The following PLPPR5 variants were observed in gnomAD, a reference collection of about 807,000 sequenced individuals.
PLPPR5 encodes phospholipid phosphatase related 5, also known as phospholipid phosphatase-related protein type 5.
In PLPPR5, 16 loss-of-function variants were observed where a neutral mutation model predicts 33.9. The observed-to-expected ratio is 0.47, with a 90% CI of 0.32 to 0.72. The LOEUF (loss-of-function observed/expected upper bound fraction) is 0.72. PLPPR5 is among the 30% of genes least tolerant of loss of function. PLPPR5 has a pLI of 0.03. For missense variants in PLPPR5, 301 were observed against 406.7 expected (o/e 0.74, Z 2.23); for synonymous variants, 163 against 150.3 (o/e 1.08, Z -0.62).
intron 3 of PLPPR5, among the ~76,000 whole-genome samples, chr1:98,932,690 T>G (rs1012224379): frequency 2.0e-5 from 3 of 152,228 alleles, no homozygotes; most frequent in Non-Finnish European, 4.4e-5. Flanking sequence ...CTTAACAGGC[T>G]ATGGTAAAAG....
chr1:98,905,660 G>A (rs1001559378), intron 5 of PLPPR5, among the ~76,000 whole-genome samples: 5 of 151,976 alleles, frequency 3.3e-5, no homozygotes, highest in Admixed American at 2.0e-4. Flanking sequence ...GTTTTGTACA[G>A]TTTCTGTTAC....
chr1:98,973,848 G>A (rs2100745825), intron 1 of PLPPR5, among the ~76,000 whole-genome samples: 1 of 151,294 alleles, frequency 6.6e-6, no homozygotes, highest in South Asian at 2.1e-4. Flanking sequence ...CAAGTGAGGT[G>A]CCGGTACTTA....
chr1:98,919,398 A>G (rs547686227), intron 4 of PLPPR5, among the ~76,000 whole-genome samples: 1 of 152,316 alleles, frequency 6.6e-6, no homozygotes, highest in Non-Finnish European at 1.5e-5. Context: ...GTAGATTAGC[A>G]TTAATTTTAT....
chr1:98,966,933 C>T (rs1016371738), intron 1 of PLPPR5, among the ~76,000 whole-genome samples: 1 of 152,082 alleles, frequency 6.6e-6, no homozygotes, highest in African/African-American at 2.4e-5. Flanking sequence ...TGCACATTCT[C>T]GGGCCCCACC....
At position 98,988,451 on chromosome 1, in the gene PLPPR5, T is replaced by C. The variant is rs1372083281; in HGVS notation, c.237+15984A>G. On this transcript the variant is annotated intron_variant, in intron 1 of 5. Coordinates refer to ENST00000263177, the MANE Select transcript of PLPPR5 (RefSeq NM_001037317.2). ...TAGGTTGTAGCCCTATTCATTGTTT[T>C]TAAGATTTATTATCAACTTGTAGGC... Among the ~76,000 whole-genome samples the C allele has an allele frequency of 2.0e-5, 3 of 152,156 alleles. No individual in the cohort carries two copies. In the East Asian group the frequency reaches 5.8e-4, roughly 29 times the overall value.
At chr1:98,921,710 G>A (rs945278101) in intron 4 of PLPPR5, among the ~76,000 whole-genome samples, 172 bp downstream of exon 4, 1 of 152,118 alleles carries the variant, frequency 6.6e-6, no homozygotes, top group African/African-American at 2.4e-5. Flanking sequence ...CAGAACAAAT[G>A]GGGGAGGAGG....
chr1:98,966,306 A>G (rs1651450810), intron 1 of PLPPR5, among the ~76,000 whole-genome samples: 1 of 152,218 alleles, frequency 6.6e-6, no homozygotes, highest in Non-Finnish European at 1.5e-5. Context: ...GTTGGTATGC[A>G]GCTATGATTT....
At chr1:98,949,052 CCAAACATAATTATTCATTCT>C (rs1650666526) in intron 3 of PLPPR5, among the ~76,000 whole-genome samples, 2 of 152,116 alleles carry the variant, frequency 1.3e-5, no homozygotes, top group Non-Finnish European at 2.9e-5. Flanking sequence ...TGGAAATTCA[CCAAACATAATTATTCATTCT>C]CAACCTTGAA....
intron 1 of PLPPR5, among the ~76,000 whole-genome samples, chr1:98,974,050 G>C (rs1459339180): frequency 6.6e-6 from 1 of 151,894 alleles, no homozygotes; most frequent in African/African-American, 2.4e-5. Flanking sequence ...GAAAGCAAAA[G>C]GGCACATGCA....
At chr1:98,926,305 G>T (rs1649762243) in intron 3 of PLPPR5, among the ~76,000 whole-genome samples, 1 of 152,128 alleles carries the variant, frequency 6.6e-6, no homozygotes, top group South Asian at 2.1e-4. Flanking sequence ...GAGTGCAGTT[G>T]AGATTTTTCC....
At chr1:98,969,218 A>G (rs1651564030) in intron 1 of PLPPR5, among the ~76,000 whole-genome samples, 1 of 152,058 alleles carries the variant, frequency 6.6e-6, no homozygotes, top group South Asian at 2.1e-4. Flanking sequence ...GAGGACAGAA[A>G]CTTAAATTTA....
At chr1:98,915,035 G>C in intron 4 of PLPPR5, 115 bp from the exon 5 acceptor site, 1 of 877,222 alleles carries the variant, frequency 1.1e-6, no homozygotes, top group Non-Finnish European at 1.7e-6. Context: ...TTACTTAAAT[G>C]TTACACGTAT....
At chr1:98,945,002 A>AGTT (rs908382908) in intron 3 of PLPPR5, among the ~76,000 whole-genome samples, 4 of 152,178 alleles carry the variant, frequency 2.6e-5, no homozygotes, top group Non-Finnish European at 5.9e-5. Context: ...GCTCATTATA[A>AGTT]GTTGTTGTTG....
At chr1:98,901,477 T>A (rs1648691826) in intron 5 of PLPPR5, among the ~76,000 whole-genome samples, 1 of 152,186 alleles carries the variant, frequency 6.6e-6, no homozygotes, top group South Asian at 2.1e-4. Context: ...TTAAAAAAAA[T>A]TAGGCCCACC....
intron 1 of PLPPR5, among the ~76,000 whole-genome samples, chr1:98,974,146 A>G (rs538509329): frequency 6.6e-6 from 1 of 152,166 alleles, no homozygotes; most frequent in East Asian, 1.9e-4. Flanking sequence ...GGCAATAAAG[A>G]GAAGCAAACA....
At chr1:98,935,665 A>C (rs1335986306) in intron 3 of PLPPR5, among the ~76,000 whole-genome samples, 1 of 152,196 alleles carries the variant, frequency 6.6e-6, no homozygotes, top group East Asian at 1.9e-4. Flanking sequence ...AAAGCAAGGA[A>C]TATGAGAACA....
At chr1:98,911,749 A>T (rs1649155853) in intron 5 of PLPPR5, among the ~76,000 whole-genome samples, 1 of 151,672 alleles carries the variant, frequency 6.6e-6, no homozygotes. Flanking sequence ...TATATTTCAC[A>T]ACCCTTTTTT....
chr1:98,929,891 G>A (rs1412723070), intron 3 of PLPPR5, among the ~76,000 whole-genome samples: 2 of 152,108 alleles, frequency 1.3e-5, no homozygotes. Flanking sequence ...CCATACACCA[G>A]ATAGAAAGTG....
chr1:98,963,842 A>G (rs1651338529), intron 1 of PLPPR5, among the ~76,000 whole-genome samples: 1 of 152,140 alleles, frequency 6.6e-6, no homozygotes, highest in Non-Finnish European at 1.5e-5. Flanking sequence ...GATTTTCCTG[A>G]TCCTATTAAC....
Sources: gnomAD v4.1 joint callset for allele counts (sites outside exome capture counted in the v4.1 genomes callset) on GRCh38, gnomAD v4.1.1 for gene constraint, MANE v1.5 for transcripts, NCBI Gene and HGNC (gene_info 2026-07-23, HGNC 2026-07-21) for gene names.